KCNN3: variants seen among roughly 807,000 people sequenced by gnomAD.
KCNN3 encodes small conductance calcium-activated potassium channel protein 3.
In KCNN3, 16 loss-of-function variants were observed where a neutral mutation model predicts 62.9. The observed-to-expected ratio is 0.25, with a 90% CI of 0.17 to 0.39. The LOEUF (loss-of-function observed/expected upper bound fraction) is 0.39. KCNN3 is among the 10% of genes least tolerant of loss of function. The pLI is 1.00. For missense variants in KCNN3, 599 were observed against 949.4 expected (o/e 0.63, Z 4.85); for synonymous variants, 370 against 389.2 (o/e 0.95, Z 0.58).
chr1:154,865,303 A>C (rs1652910007), intron 1 of KCNN3, among the ~76,000 whole-genome samples: 1 of 151,830 alleles, frequency 6.6e-6, no homozygotes, highest in African/African-American at 2.4e-5. Context: ...GAATCTCTAG[A>C]CCAGGCCTCG....
intron 1 of KCNN3, among the ~76,000 whole-genome samples, chr1:154,824,598 C>T (rs1004794072): frequency 8.5e-5 from 13 of 152,168 alleles, no homozygotes; most frequent in Non-Finnish European, 1.5e-4. Flanking sequence ...CAGAAATGAC[C>T]ATAACTTTCT....
At chr1:154,865,419 C>T (rs549326379) in intron 1 of KCNN3, among the ~76,000 whole-genome samples, 1 of 152,230 alleles carries the variant, frequency 6.6e-6, no homozygotes, top group East Asian at 1.9e-4. Context: ...CCCACTGGGG[C>T]CATCTCAGGC....
intron 4 of KCNN3, among the ~76,000 whole-genome samples, chr1:154,732,493 G>T (rs1700618111): frequency 6.6e-6 from 1 of 152,208 alleles, no homozygotes. Context: ...GCCAGCCCAG[G>T]GCCATGTGGA....
chr1:154,751,664 G>C (rs1647385594), intron 3 of KCNN3, among the ~76,000 whole-genome samples: 1 of 152,004 alleles, frequency 6.6e-6, no homozygotes. Context: ...AAGCCAACCT[G>C]TCTGTCTGTC....
intron 2 of KCNN3, among the ~76,000 whole-genome samples, chr1:154,812,027 C>A (rs1650427286): frequency 6.6e-6 from 1 of 152,166 alleles, no homozygotes; most frequent in South Asian, 2.1e-4. Context: ...GTGCACTGGC[C>A]CCCCTGCGGT....
intron 1 of KCNN3, among the ~76,000 whole-genome samples, chr1:154,841,662 T>C (rs1651835858): frequency 6.6e-6 from 1 of 152,156 alleles, no homozygotes; most frequent in South Asian, 2.1e-4. Flanking sequence ...CTCCAAACTT[T>C]CTGCAGAAAG....
chr1:154,746,461 C>T (rs748179746), intron 3 of KCNN3, among the ~76,000 whole-genome samples: 14 of 152,124 alleles, frequency 9.2e-5, no homozygotes, highest in Non-Finnish European at 1.3e-4. Context: ...ATAAGCAGAA[C>T]CCCGTGAACT....
chr1:154,818,193 C>A (rs1439456977), intron 2 of KCNN3, among the ~76,000 whole-genome samples: 1 of 152,178 alleles, frequency 6.6e-6, no homozygotes, highest in Non-Finnish European at 1.5e-5. Flanking sequence ...AAAACGCCAA[C>A]AGAGAGGGAG....
At chr1:154,860,106 G>C (rs1652703984) in intron 1 of KCNN3, among the ~76,000 whole-genome samples, 1 of 152,186 alleles carries the variant, frequency 6.6e-6, no homozygotes, top group Admixed American at 6.5e-5. Context: ...CCTGGCACCT[G>C]GCTGGGAACG....
chr1:154,776,186 C>A (rs1232649155), intron 2 of KCNN3, among the ~76,000 whole-genome samples: 1 of 152,186 alleles, frequency 6.6e-6, no homozygotes, highest in African/African-American at 2.4e-5. Context: ...TGAAGTCCCC[C>A]ACATCCAGGT....
intron 2 of KCNN3, among the ~76,000 whole-genome samples, chr1:154,791,026 C>T (rs1571279481): frequency 6.6e-6 from 1 of 151,954 alleles, no homozygotes; most frequent in African/African-American, 2.4e-5. Flanking sequence ...GTCAGGAGTT[C>T]GAGACCAGCC....
rs111799263 is a variant in KCNN3 at position 154,759,404 on chromosome 1, C to T, written c.1448+12571G>A. 4.8e-3 allele frequency among the ~76,000 whole-genome samples: 737 copies of T among 152,324 alleles called. 8 individuals are homozygous for T. The highest frequency in any genetic ancestry group is 0.017 in the African/African-American group (701 of 41,570). On this transcript the variant is annotated intron_variant, in intron 3 of 7. Coordinates refer to ENST00000271915, the MANE Select transcript of KCNN3 (RefSeq NM_002249.6). ...ACCCCAAAGTTGAAGGATGGAAAAGCTGACAGAATATGGATTTCCTGCTTG... is the reference window on the plus strand; with the variant it reads ...ACCCCAAAGTTGAAGGATGGAAAAGTTGACAGAATATGGATTTCCTGCTTG...
At chr1:154,821,226 G>A (rs1171126222) in intron 2 of KCNN3, among the ~76,000 whole-genome samples, 1 of 152,112 alleles carries the variant, frequency 6.6e-6, no homozygotes, top group Non-Finnish European at 1.5e-5. Flanking sequence ...TCAATCTCTC[G>A]CCTGCTGCCC....
chr1:154,798,946 C>CT lies in KCNN3; in HGVS notation c.1029+23142_1029+23143insA, dbSNP rs1193844915. 2.9e-3 allele frequency among the ~76,000 whole-genome samples: 423 copies of CT among 147,712 alleles called. 1 individual carries two copies. The highest frequency in any genetic ancestry group is 0.01 in the African/African-American group (395 of 39,460). On this transcript the variant is annotated intron_variant, in intron 2 of 7. Transcript: ENST00000271915. ...TTTTTTTTTTTTTTTGAGACAGAGT[C>CT]CACTCTGTCACCCAGGCTGGAGTGC...
intron 5 of KCNN3, among the ~76,000 whole-genome samples, chr1:154,722,523 G>A (rs1012375973): frequency 1.3e-5 from 2 of 151,136 alleles, no homozygotes; most frequent in African/African-American, 2.4e-5. Context: ...GAGTACCTGG[G>A]GCTACAGGCA....
Position 154,697,632 on chromosome 1 carries a change from AGAG to A in KCNN3, c.*10341_*10343del, listed in dbSNP as rs1395864392. On this transcript the variant is annotated 3_prime_UTR_variant, in exon 8 of 8. Transcript: ENST00000271915. ...AAGGTCACACTTCCATATTTTGCAC[AGAG>A]AAGAAAATGCAGTCTCCCATCCAGA... 1.3e-5 allele frequency: 2 copies of A among 152,250 alleles called. No individual in the cohort carries two copies. The highest frequency in any genetic ancestry group is 2.9e-5 in the Non-Finnish European group (2 of 68,082). The allele number at this position is 152,250 out of a possible 1,614,324, so 9.4% of individuals were successfully genotyped here.
At chr1:154,763,433 C>A (rs910983320) in intron 3 of KCNN3, among the ~76,000 whole-genome samples, 3 of 152,112 alleles carry the variant, frequency 2.0e-5, no homozygotes, top group Admixed American at 2.0e-4. Flanking sequence ...TGGCTATCCA[C>A]AGGCACAATC....
chr1:154,859,687 G>A, intron 1 of KCNN3: 1 of 1,613,640 alleles, frequency 6.2e-7, no homozygotes, highest in Non-Finnish European at 8.5e-7. Flanking sequence ...CCTGGGCAGG[G>A]CACCCACCTT....
Position 154,702,426 on chromosome 1 carries a change from A to G in KCNN3, c.*5550T>C, listed in dbSNP as rs192321912. ...GCAAATTCATATTAAAGCTCATCTG[A>G]TTCTGAATATAAACACTTCAGTTTC... On this transcript the variant is annotated 3_prime_UTR_variant, in exon 8 of 8. Coordinates refer to ENST00000271915, the MANE Select transcript of KCNN3 (RefSeq NM_002249.6). The G allele has an allele frequency of 2.1e-4, 32 of 151,960 alleles. No individual in the cohort carries two copies. Among genetic ancestry groups the G allele is most frequent in the African/African-American group, 7.5e-4 (31 of 41,490 alleles). 9.4% of individuals were successfully genotyped at this position (151,960 alleles called of 1,614,324 possible).
Sources: gnomAD v4.1 joint callset for allele counts (sites outside exome capture counted in the v4.1 genomes callset) on GRCh38, gnomAD v4.1.1 for gene constraint, MANE v1.5 for transcripts, NCBI Gene and HGNC (gene_info 2026-07-23, HGNC 2026-07-21) for gene names.